Variants in ZNF25 observed in about 807,000 individuals in gnomAD.
ZNF25 encodes zinc finger protein 25 (KOX 19).
A neutral mutation model predicts 30.9 loss-of-function variants in ZNF25; 21 were observed. The observed-to-expected ratio is 0.68, with a 90% CI of 0.48 to 0.98. ZNF25 has a LOEUF of 0.98. Among genes scored for constraint, ZNF25 ranks in the 50% least tolerant of loss-of-function variants. The pLI is 0.00. For missense variants in ZNF25, 501 were observed against 529.9 expected (o/e 0.95, Z 0.54); for synonymous variants, 169 against 181.3 (o/e 0.93, Z 0.55).
chr10:37,957,369 A>G, intron 3 of ZNF25, 51 bp downstream of exon 3: 1 of 1,584,102 alleles, frequency 6.3e-7, no homozygotes, highest in Non-Finnish European at 8.6e-7. Flanking sequence ...CCAGTAACTG[A>G]GAAGATAGAT....
chr10:37,953,303 A>T (rs2062295667), intron 5 of ZNF25, 108 bp from the exon 6 acceptor site: 2 of 996,452 alleles, frequency 2.0e-6, no homozygotes, highest in Non-Finnish European at 2.9e-6. Flanking sequence ...CGATTTCTAG[A>T]GATGTTCCCA....
chr10:37,952,234 C>G lies in ZNF25; in HGVS notation c.1264G>C (p.Gly422Arg). The change falls in exon 6 of 6, where the codon GGG becomes CGG. Residue 422 changes from glycine (G) to arginine (R), a missense_variant. Gly to Arg is a moderately radical substitution (Grantham distance 125). Coordinates refer to ENST00000302609, the MANE Select transcript of ZNF25 (RefSeq NM_145011.4). ...HFIIHQRKHTGEKPYECQECG... is the reference protein window; with the variant it reads ...HFIIHQRKHTREKPYECQECG... ...TCCTGACACTCATAGGGCTTCTCCC[C>G]TGTGTGTTTTCTCTGATGTATAATA... 1 of 1,614,082 alleles carries G rather than the reference C, an allele frequency of 6.2e-7. No individual in the cohort carries two copies. The highest frequency in any genetic ancestry group is 2.2e-5 in the East Asian group (1 of 44,874).
chr10:37,961,919 T>A, intron 2 of ZNF25, among the ~76,000 whole-genome samples: 1 of 67,352 alleles, frequency 1.5e-5, no homozygotes, highest in African/African-American at 5.9e-5. Context: ...TGAAACTCCA[T>A]CTCAAAAAAA....
Position 37,952,110 on chromosome 10 carries a change from G to A in ZNF25, c.*17C>T. 6.5e-7 allele frequency: 1 copy of A among 1,536,120 alleles called. No homozygotes were observed. The highest frequency in any genetic ancestry group is 8.7e-7 in the Non-Finnish European group (1 of 1,143,496). ...TTTTGAAGGATTAATTCAGTCAAGA[G>A]AATTTCCCAACTCATCTTACTTCTC... On this transcript the variant is annotated 3_prime_UTR_variant, in exon 6 of 6. Transcript: ENST00000302609.
chr10:37,971,654 C>G, intron 2 of ZNF25, 54 bp downstream of exon 2: 1 of 1,610,648 alleles, frequency 6.2e-7, no homozygotes, highest in African/African-American at 1.3e-5. Flanking sequence ...CACACACACA[C>G]ACACACACAC....
intron 2 of ZNF25, among the ~76,000 whole-genome samples, chr10:37,966,839 T>C (rs535971621): frequency 1.3e-5 from 2 of 152,152 alleles, no homozygotes; most frequent in Non-Finnish European, 2.9e-5. Context: ...GTTGCAGAAG[T>C]AAGTCTTTAT....
At chr10:37,958,709 T>C (rs2062677536) in intron 2 of ZNF25, among the ~76,000 whole-genome samples, 1 of 151,776 alleles carries the variant, frequency 6.6e-6, no homozygotes, top group South Asian at 2.1e-4. Context: ...CGCATGAACC[T>C]GGGAAGTTAA....
rs1332487678 is a variant in ZNF25, at chr10:37,950,619, T to C, written c.*1508A>G. Reference sequence around the variant, plus strand: ...CAAAATACAAATAATGATGATAACCTCTAACATATAGCTCTTGTGTCTCAG... The same window carrying C: ...CAAAATACAAATAATGATGATAACCCCTAACATATAGCTCTTGTGTCTCAG... On this transcript the variant is annotated 3_prime_UTR_variant, in exon 6 of 6. Coordinates refer to ENST00000302609, the MANE Select transcript of ZNF25 (RefSeq NM_145011.4). 6.6e-6 allele frequency: 1 copy of C among 152,082 alleles called. No homozygotes were observed. Among genetic ancestry groups the C allele is most frequent in the African/African-American group, 2.4e-5 (1 of 41,340 alleles). 9.4% of individuals were successfully genotyped at this position (152,082 alleles called of 1,614,324 possible). A position where few individuals can be genotyped will look rare whatever the true frequency, so the allele number is the denominator to read the frequency against.
chr10:37,954,618 T>C (rs1351958880), intron 4 of ZNF25, among the ~76,000 whole-genome samples: 3 of 152,210 alleles, frequency 2.0e-5, no homozygotes, highest in African/African-American at 7.2e-5. Flanking sequence ...TTCATTTTCA[T>C]ATCTTGCTTC....
chr10:37,971,282 C>T (rs1404187801), intron 2 of ZNF25, among the ~76,000 whole-genome samples: 4 of 149,358 alleles, frequency 2.7e-5, no homozygotes, highest in African/African-American at 9.9e-5. Flanking sequence ...TACCATTGCA[C>T]TCCAGCTTGG....
At chr10:37,963,856 T>C (rs139030705) in intron 2 of ZNF25, among the ~76,000 whole-genome samples, 28 of 152,236 alleles carry the variant, frequency 1.8e-4, no homozygotes, top group African/African-American at 6.3e-4. Context: ...ACGCCTGTAG[T>C]CTCAACTACT....
intron 2 of ZNF25, among the ~76,000 whole-genome samples, chr10:37,965,384 C>G (rs542308092): frequency 6.6e-6 from 1 of 152,314 alleles, no homozygotes; most frequent in East Asian, 1.9e-4. Context: ...CATGGAAAAG[C>G]TGAAAGCAGT....
In ZNF25 at chr10:37,952,808, A is replaced by G. The variant is rs1189802530; in HGVS notation, c.690T>C (p.Phe230=). The part of the protein sequence containing the change: ...HQKTHTGEKP[F]ECTECGKFFY... Reference sequence around the variant, plus strand: ...AGAACTTCCCACATTCAGTACATTCAAAAGGTTTCTCCCCTGTGTGTGTTT... The same window carrying G: ...AGAACTTCCCACATTCAGTACATTCGAAAGGTTTCTCCCCTGTGTGTGTTT... The change falls in exon 6 of 6, where the codon TTT becomes TTC. Residue 230 remains phenylalanine, a synonymous_variant. Transcript: ENST00000302609. 6.2e-7 allele frequency: 1 copy of G among 1,614,136 alleles called. No individual in the cohort carries two copies. The highest frequency in any genetic ancestry group is 1.7e-5 in the Admixed American group (1 of 60,022).
At chr10:37,967,010 A>G (rs1389621292) in intron 2 of ZNF25, among the ~76,000 whole-genome samples, 1 of 152,184 alleles carries the variant, frequency 6.6e-6, no homozygotes, top group Non-Finnish European at 1.5e-5. Flanking sequence ...TTTCACGAAA[A>G]TAGTAGTAAC....
At chr10:37,960,634 A>AAAG (rs2135361351) in intron 2 of ZNF25, among the ~76,000 whole-genome samples, 1 of 148,378 alleles carries the variant, frequency 6.7e-6, no homozygotes, top group East Asian at 2.2e-4. Context: ...AAAAAAAAAA[A>AAAG]AAAAAAAAAA....
At chr10:37,971,354 G>GTCAT (rs753893533) in intron 2 of ZNF25, among the ~76,000 whole-genome samples, 13 of 151,454 alleles carry the variant, frequency 8.6e-5, no homozygotes, top group African/African-American at 2.7e-4. Context: ...TAGTATCAAT[G>GTCAT]TCATTGTCTA....
chr10:37,970,393 A>G (rs2144849), intron 2 of ZNF25, among the ~76,000 whole-genome samples: 79,946 of 151,948 alleles, frequency 0.53, 21,359 homozygotes, highest in South Asian at 0.71. Context: ...TCCCAAAAAA[A>G]GCAGAAGAAC....
At chr10:37,964,813 T>G (rs1026982777) in intron 2 of ZNF25, among the ~76,000 whole-genome samples, 1 of 152,172 alleles carries the variant, frequency 6.6e-6, no homozygotes, top group African/African-American at 2.4e-5. Flanking sequence ...GAGATTAGCA[T>G]GACTCAAATG....
At chr10:37,971,042 G>A (rs998819139) in intron 2 of ZNF25, among the ~76,000 whole-genome samples, 33 of 152,138 alleles carry the variant, frequency 2.2e-4, no homozygotes, top group African/African-American at 4.3e-4. Context: ...GTGGCCTGGC[G>A]CAGTAGCTCA....
Sources: gnomAD v4.1 joint callset for allele counts (sites outside exome capture counted in the v4.1 genomes callset) on GRCh38, gnomAD v4.1.1 for gene constraint, MANE v1.5 for transcripts, NCBI Gene and HGNC (gene_info 2026-07-23, HGNC 2026-07-21) for gene names.